Variants in WFDC2 observed in about 807,000 individuals in gnomAD.
The protein encoded by WFDC2 is WAP four-disulfide core domain 2, also known as WAP four-disulfide core domain protein 2.
In WFDC2, 8 loss-of-function variants were observed where a neutral mutation model predicts 12.5. That is an observed-to-expected ratio of 0.64 (90% CI 0.37 to 1.15). The LOEUF (loss-of-function observed/expected upper bound fraction) is 1.15, where lower values mean the gene tolerates loss of function less well. WFDC2 is among the 50% of genes most tolerant of loss of function. The pLI, the probability that WFDC2 is intolerant of heterozygous loss-of-function variation, is 0.01. For synonymous variants in WFDC2, 74 were observed against 67.2 expected (o/e 1.10, Z -0.49); for missense variants, 166 against 159.9 (o/e 1.04, Z -0.21).
chr20:45,469,960 G>A, intron 1 of WFDC2, 100 bp downstream of exon 1: 1 of 1,433,122 alleles, frequency 7.0e-7, no homozygotes. Context: ...TGGGGAAGTG[G>A]GAATTCCGGG....
chr20:45,470,739 TC>T lies in WFDC2; in HGVS notation c.223+211del, dbSNP rs771042518. On this transcript the variant is annotated intron_variant, in intron 2 of 3. Coordinates refer to ENST00000372676, the MANE Select transcript of WFDC2 (RefSeq NM_006103.4). This position sits in a 1 kb window ranked among gnomAD's most constrained non-coding sequence, Gnocchi z 5.4. ...TCGTTGAAACGCAGCCAAGGGGGGG[TC>T]CCCACCCCTAGCTGGGATTCGAGTC... 1.3e-5 allele frequency among the ~76,000 whole-genome samples: 2 copies of T among 150,712 alleles called. No individual in the cohort carries two copies. Among genetic ancestry groups the T allele is most frequent in the Admixed American group, 6.6e-5 (1 of 15,154 alleles).
intron 3 of WFDC2, among the ~76,000 whole-genome samples, chr20:45,480,949 A>G (rs560656192): frequency 1.3e-5 from 2 of 152,352 alleles, no homozygotes; most frequent in East Asian, 3.9e-4. Context: ...CCTGAGTCAC[A>G]GTTATCTCGC....
intron 2 of WFDC2, among the ~76,000 whole-genome samples, chr20:45,478,482 G>A (rs1400117769): frequency 6.6e-6 from 1 of 152,096 alleles, no homozygotes; most frequent in Admixed American, 6.6e-5. Flanking sequence ...CGCCCTCCGT[G>A]GGCTGCACCC....
intron 1 of WFDC2, 51 bp downstream of exon 1, chr20:45,469,911 GC>G: frequency 6.4e-7 from 1 of 1,566,426 alleles, no homozygotes; most frequent in Non-Finnish European, 8.7e-7. Flanking sequence ...AGCCACGAGC[GC>G]CAGGATGGAG....
chr20:45,477,201 G>A (rs143510421), intron 2 of WFDC2, among the ~76,000 whole-genome samples: 10,371 of 151,470 alleles, frequency 0.068, 388 homozygotes, highest in South Asian at 0.13. Context: ...CTCATTCTCC[G>A]TCCAGTTTTG....
At chr20:45,472,957 T>C (rs1991190738) in intron 2 of WFDC2, among the ~76,000 whole-genome samples, 1 of 152,248 alleles carries the variant, frequency 6.6e-6, no homozygotes, top group Non-Finnish European at 1.5e-5. Context: ...GATGAGCATT[T>C]TTCATGTTTG....
At position 45,470,670 on chromosome 20, in the gene WFDC2, C is replaced by T; in HGVS notation, c.223+138C>T. ...AAAGTCAAGGCGGTTGAAACCAGAT[C>T]CGTCAGTCCTCTCCCTCGCACGGCC... is the stretch of plus-strand genomic sequence containing the variant. On this transcript the variant is annotated intron_variant, in intron 2 of 3. Transcript: ENST00000372676. The surrounding 1 kb of genome is among the most constrained non-coding windows in gnomAD (Gnocchi z 5.4). The T allele has an allele frequency of 8.1e-7, 1 of 1,227,978 alleles. No homozygotes were observed. Among genetic ancestry groups the T allele is most frequent in the Middle Eastern group, 2.8e-4 (1 of 3,526 alleles). The allele number at this position is 1,227,978 out of a possible 1,614,324, so 76.1% of individuals were successfully genotyped here. A position where few individuals can be genotyped will look rare whatever the true frequency, so the allele number is the denominator to read the frequency against.
At chr20:45,475,850 A>C (rs1054858214) in intron 2 of WFDC2, among the ~76,000 whole-genome samples, 2 of 152,162 alleles carry the variant, frequency 1.3e-5, no homozygotes, top group Non-Finnish European at 2.9e-5. Flanking sequence ...TTTATGAATC[A>C]GGGTGCTCCT....
At chr20:45,471,610 T>C (rs181178135) in intron 2 of WFDC2, among the ~76,000 whole-genome samples, 63 of 152,272 alleles carry the variant, frequency 4.1e-4, no homozygotes, top group African/African-American at 1.5e-3. Context: ...AGTCCCCTCC[T>C]CTGGGCCAGG....
rs944198121 is a variant in WFDC2 at position 45,481,474 on chromosome 20, C to T, written c.*105C>T. 2.0e-5 allele frequency: 3 copies of T among 152,250 alleles called. No homozygotes were observed. The highest frequency in any genetic ancestry group is 2.9e-5 in the Non-Finnish European group (2 of 68,078). The allele number at this position is 152,250 out of a possible 1,614,324, so 9.4% of individuals were successfully genotyped here. A position where few individuals can be genotyped will look rare whatever the true frequency, so the allele number is the denominator to read the frequency against. On this transcript the variant is annotated 3_prime_UTR_variant, in exon 4 of 4. Transcript: ENST00000372676. ...TCCCCTTTTTCGGGACTCTGTATTC[C>T]CTCTTGGGCTGACCACAGCTTCTCC... is the stretch of plus-strand genomic sequence containing the variant.
rs200690352 is a variant in WFDC2 at position 45,469,762 on chromosome 20, C to A, written c.-20C>A. ...ACCTGAGCATCGGCTCACACCTGCACCCCGCCCGGGCATAGCACCATGCCT... is the reference window on the plus strand; with the variant it reads ...ACCTGAGCATCGGCTCACACCTGCAACCCGCCCGGGCATAGCACCATGCCT... On this transcript the variant is annotated 5_prime_UTR_variant, in exon 1 of 4. Transcript: ENST00000372676. 1.2e-6 allele frequency: 2 copies of A among 1,600,650 alleles called. No homozygotes were observed. The highest frequency in any genetic ancestry group is 2.7e-5 in the African/African-American group (2 of 74,718).
intron 2 of WFDC2, among the ~76,000 whole-genome samples, chr20:45,477,276 G>A (rs181801089): frequency 2.0e-3 from 310 of 152,260 alleles, no homozygotes; most frequent in Non-Finnish European, 2.8e-3. Context: ...GGAATTTTCA[G>A]CCTTTTTGTG....
chr20:45,479,988 C>A lies in WFDC2; in HGVS notation c.270C>A (p.Leu90=). The A allele has an allele frequency of 6.2e-7, 1 of 1,614,242 alleles. No homozygotes were observed. The highest frequency in any genetic ancestry group is 8.5e-7 in the Non-Finnish European group (1 of 1,180,048). ...CPQVNINFPQ[L]GLCRDQCQVD... is the part of the protein sequence containing the mutation. ...AGGTGAACATTAACTTTCCCCAGCTCGGCCTCTGTCGGGACCAGTGCCAGG... is the reference window on the plus strand; with the variant it reads ...AGGTGAACATTAACTTTCCCCAGCTAGGCCTCTGTCGGGACCAGTGCCAGG... The change falls in exon 3 of 4, where the codon CTC becomes CTA. Residue 90 remains leucine, a synonymous_variant. Coordinates refer to ENST00000372676, the MANE Select transcript of WFDC2 (RefSeq NM_006103.4).
At chr20:45,475,044 T>C (rs1991216537) in intron 2 of WFDC2, among the ~76,000 whole-genome samples, 1 of 152,212 alleles carries the variant, frequency 6.6e-6, no homozygotes, top group Non-Finnish European at 1.5e-5. Flanking sequence ...TCATTTTTTA[T>C]TGTGTCTATT....
chr20:45,477,838 T>C (rs1292586504), intron 2 of WFDC2, among the ~76,000 whole-genome samples: 2 of 152,196 alleles, frequency 1.3e-5, no homozygotes, highest in Non-Finnish European at 2.9e-5. Context: ...GCTGCTGCCT[T>C]TTTTTCAGAG....
chr20:45,479,668 C>T (rs200691246), intron 2 of WFDC2: 44 of 1,613,476 alleles, frequency 2.7e-5, no homozygotes, highest in East Asian at 6.7e-5. Flanking sequence ...CCTAAAGACA[C>T]GGAGGCTCTG....
intron 2 of WFDC2, among the ~76,000 whole-genome samples, chr20:45,476,271 G>T (rs775732991): frequency 6.6e-6 from 1 of 152,126 alleles, no homozygotes; most frequent in Non-Finnish European, 1.5e-5. Flanking sequence ...TCATAGTGTC[G>T]ATGGTCTTTA....
At chr20:45,474,516 A>G (rs1206282607) in intron 2 of WFDC2, among the ~76,000 whole-genome samples, 2 of 152,216 alleles carry the variant, frequency 1.3e-5, no homozygotes, top group Non-Finnish European at 2.9e-5. Flanking sequence ...CTTGCATCCC[A>G]GGGACAAAGC....
In WFDC2 at chr20:45,474,686, TC is replaced by T. The variant is rs576493294; in HGVS notation, c.223+4155del. 3.2e-3 allele frequency among the ~76,000 whole-genome samples: 482 copies of T among 152,354 alleles called. 11 individuals are homozygous for T. Among genetic ancestry groups the T allele is most frequent in the Admixed American group, 0.028 (435 of 15,306 alleles). On this transcript the variant is annotated intron_variant, in intron 2 of 3. Coordinates refer to ENST00000372676, the MANE Select transcript of WFDC2 (RefSeq NM_006103.4). ...TTTTAGTATCAGGATGATGCTGGCC[TC>T]ATAAAATGAATTAGGGAGGAGGCTC...
Sources: gnomAD v4.1 joint callset for allele counts (sites outside exome capture counted in the v4.1 genomes callset) on GRCh38, gnomAD v4.1.1 for gene constraint, Gnocchi (gnomAD v3.1) non-coding constraint, MANE v1.5 for transcripts, NCBI Gene and HGNC (gene_info 2026-07-23, HGNC 2026-07-21) for gene names.